The following NDE1 variants were observed in gnomAD, a reference collection of about 807,000 sequenced individuals.
NDE1 encodes nudE neurodevelopment protein 1, also known as nuclear distribution protein nudE homolog 1.
Under a neutral mutation model 43.4 loss-of-function variants are expected in NDE1, and 28 were observed. The observed-to-expected ratio is 0.65, with a 90% CI of 0.48 to 0.89. NDE1 has a LOEUF of 0.89. NDE1 is among the 40% of genes least tolerant of loss of function. NDE1 has a pLI of 0.00. For synonymous variants in NDE1, 184 were observed against 172.0 expected (o/e 1.07, Z -0.55); for missense variants, 441 against 434.1 (o/e 1.02, Z -0.14).
intron 4 of NDE1, chr16:15,683,237 C>G (rs181913467): frequency 3.3e-5 from 5 of 152,260 alleles, no homozygotes; most frequent in Admixed American, 2.6e-4. Flanking sequence ...TACTGAAAAT[C>G]TGTTTTCCTA....
At position 15,664,764 on chromosome 16, in the gene NDE1, TC is replaced by T. The variant is rs1402255206; in HGVS notation, c.-11del. On this transcript the variant is annotated 5_prime_UTR_variant, in exon 2 of 9. Coordinates refer to ENST00000396354, the MANE Select transcript of NDE1 (RefSeq NM_017668.3). ...CCATGCCACAAGGAGAGTGATCTCT[TC>T]CCCTGTTTTCACAATGGAGGACTCC... 6.3e-7 allele frequency: 1 copy of T among 1,590,098 alleles called. No individual in the cohort carries two copies. The highest frequency in any genetic ancestry group is 8.6e-7 in the Non-Finnish European group (1 of 1,158,352).
In NDE1 at chr16:15,666,672, C is replaced by G. The variant is rs781174951; in HGVS notation, c.84-614C>G. ...ACTCTGTCACCCAGGCTGAATTGCACTGGCTCTTCACAAGTGTGACCTATC... is the reference window on the plus strand; with the variant it reads ...ACTCTGTCACCCAGGCTGAATTGCAGTGGCTCTTCACAAGTGTGACCTATC... On this transcript the variant is annotated intron_variant, in intron 2 of 8. Coordinates refer to ENST00000396354, the MANE Select transcript of NDE1 (RefSeq NM_017668.3). 6.9e-4 allele frequency among the ~76,000 whole-genome samples: 105 copies of G among 152,142 alleles called. 1 individual carries two copies. Among genetic ancestry groups the G allele is most frequent in the Non-Finnish European group, 2.4e-4 (16 of 68,032 alleles).
At chr16:15,699,609 A>G (rs1220549995) in intron 8 of NDE1, 1 of 1,218,012 alleles carries the variant, frequency 8.2e-7, no homozygotes, top group South Asian at 1.4e-5. Flanking sequence ...GAGAAAATTG[A>G]GACCCTGTGA....
Position 15,656,764 on chromosome 16 carries a change from C to T in NDE1, c.-44+6470C>T, listed in dbSNP as rs2036787821. On this transcript the variant is annotated intron_variant, in intron 1 of 8. Coordinates refer to ENST00000396354, the MANE Select transcript of NDE1 (RefSeq NM_017668.3). The stretch of plus-strand genomic sequence containing the variant: ...CCATGTTGGCCAGGCTGGTCTCGAA[C>T]TCCTGGCTTCAAGTGATCTACCCGC... Among the ~76,000 whole-genome samples, 4 of 152,088 alleles carry T rather than the reference C, an allele frequency of 2.6e-5. No homozygotes were observed. The South Asian group carries it at 8.3e-4, about 32-fold the overall frequency.
intron 1 of NDE1, among the ~76,000 whole-genome samples, chr16:15,653,791 G>A (rs765314052): frequency 4.6e-4 from 70 of 150,944 alleles, no homozygotes; most frequent in Non-Finnish European, 9.6e-4. Context: ...GCTGTGGGGC[G>A]ATCTCGGCTC....
chr16:15,683,250 TAAGTA>T (rs1466999101), intron 4 of NDE1: 4 of 152,196 alleles, frequency 2.6e-5, no homozygotes, highest in Non-Finnish European at 5.9e-5. Context: ...TTTTCCTATT[TAAGTA>T]TTTTCAGGTT....
chr16:15,687,347 T>C (rs1596613013), intron 4 of NDE1, 28 bp from the exon 5 acceptor site: 1 of 1,613,874 alleles, frequency 6.2e-7, no homozygotes, highest in African/African-American at 1.3e-5. Context: ...TTTGTCCTCT[T>C]GGATAACTCT....
chr16:15,646,587 G>GA (rs571956576), upstream of NDE1, among the ~76,000 whole-genome samples: 32 of 145,184 alleles, frequency 2.2e-4, no homozygotes, highest in Admixed American at 1.2e-3. Context: ...TCAAAAAAAA[G>GA]AAAAAAAAAA....
intron 8 of NDE1, chr16:15,714,723 G>A (rs1043701041): frequency 5.4e-6 from 4 of 737,122 alleles, no homozygotes; most frequent in Admixed American, 2.5e-5. Flanking sequence ...GGCAAGGCAG[G>A]GCCCGGGTCT....
Position 15,724,386 on chromosome 16 carries a change from C to G in NDE1, c.*135C>G, listed in dbSNP as rs1288382755. The G allele has an allele frequency of 2.5e-6, 4 of 1,613,978 alleles. No homozygotes were observed. The African/African-American group carries it at 5.3e-5, about 22-fold the overall frequency. ...CTTCCACGGTGCTGGCAAAGTCCTGCAGCTTCTTCTTCGAGTCGGAGAGCT... is the reference window on the plus strand; with the variant it reads ...CTTCCACGGTGCTGGCAAAGTCCTGGAGCTTCTTCTTCGAGTCGGAGAGCT... On this transcript the variant is annotated 3_prime_UTR_variant, in exon 9 of 9. Coordinates refer to ENST00000396354, the MANE Select transcript of NDE1 (RefSeq NM_017668.3).
Position 15,687,399 on chromosome 16 carries a change from CTT to C in NDE1, c.413_414del (p.Phe138Ter). ...GCGCCACGATCATGTCTCTCGAAGA[CTT>C]TGAGCAGCGCTTGAATCAGGCCATC... ...KRATIMSLED[F>X]EQRLNQAIER... On this transcript the variant is annotated frameshift_variant, in exon 5 of 9. Coordinates refer to ENST00000396354, the MANE Select transcript of NDE1 (RefSeq NM_017668.3). LOFTEE classifies it high-confidence loss of function. 1 of 1,614,196 alleles carries C rather than the reference CTT, an allele frequency of 6.2e-7. No homozygotes were observed. Among genetic ancestry groups the C allele is most frequent in the Non-Finnish European group, 8.5e-7 (1 of 1,180,048 alleles).
intron 8 of NDE1, chr16:15,714,715 C>T: frequency 1.4e-6 from 1 of 700,326 alleles, no homozygotes; most frequent in African/African-American, 1.8e-5. Context: ...TGCTACCAGG[C>T]AAGGCAGGGC....
intron 4 of NDE1, among the ~76,000 whole-genome samples, chr16:15,681,490 C>T (rs967181902): frequency 1.6e-4 from 25 of 151,596 alleles, no homozygotes; most frequent in African/African-American, 5.6e-4. Flanking sequence ...GTCTCAAAGT[C>T]CTGGACTCGG....
At chr16:15,650,745 C>A (rs1281902720) in intron 1 of NDE1, among the ~76,000 whole-genome samples, 1 of 152,062 alleles carries the variant, frequency 6.6e-6, no homozygotes, top group Non-Finnish European at 1.5e-5. Context: ...ACCCTCGTTT[C>A]TTTTCTCTCT....
chr16:15,676,771 C>T (rs1163722188), intron 3 of NDE1, among the ~76,000 whole-genome samples: 1 of 152,126 alleles, frequency 6.6e-6, no homozygotes, highest in Non-Finnish European at 1.5e-5. Context: ...TCGAATGGTC[C>T]TCCCACCTCA....
chr16:15,662,654 G>A (rs1049545577), intron 1 of NDE1, among the ~76,000 whole-genome samples: 3 of 152,016 alleles, frequency 2.0e-5, no homozygotes, highest in East Asian at 1.9e-4. Context: ...TTGGCTCACC[G>A]CAACCTCTGC....
chr16:15,693,001 CTCT>C (rs1389410922), intron 6 of NDE1, among the ~76,000 whole-genome samples: 2 of 148,052 alleles, frequency 1.4e-5, no homozygotes, highest in Admixed American at 1.3e-4. Flanking sequence ...ATTTCTTTCT[CTCT>C]TTTTTTTTTT....
rs761693939 is a variant in NDE1 at position 15,715,063 on chromosome 16, T to G, written c.948-9128T>G. 2 of 1,611,622 alleles carry G rather than the reference T, an allele frequency of 1.2e-6. No homozygotes were observed. The highest frequency in any genetic ancestry group is 1.7e-6 in the Non-Finnish European group (2 of 1,179,542). On this transcript the variant is annotated intron_variant, in intron 8 of 8. Coordinates refer to ENST00000396354, the MANE Select transcript of NDE1 (RefSeq NM_017668.3). ...AGCTGCCTCTTGAGCTGCTTGACCC[T>G]GGCATTGCCTTTCTCTGCCTGTCGC...
intron 8 of NDE1, chr16:15,720,906 T>TG (rs2040436719): frequency 6.2e-7 from 1 of 1,613,886 alleles, no homozygotes; most frequent in Admixed American, 1.7e-5. Flanking sequence ...CCTTTCGAAC[T>TG]GGCCCTTGAG....
Sources: gnomAD v4.1 joint callset for allele counts (sites outside exome capture counted in the v4.1 genomes callset) on GRCh38, gnomAD v4.1.1 for gene constraint, MANE v1.5 for transcripts, NCBI Gene and HGNC (gene_info 2026-07-23, HGNC 2026-07-21) for gene names.